Variants in PPARGC1A observed in about 807,000 individuals in gnomAD.
PPARGC1A encodes peroxisome proliferator-activated receptor gamma coactivator 1-alpha.
PPARGC1A carries 25 observed loss-of-function variants against 88.7 expected under a neutral mutation model. The ratio of observed to expected loss-of-function variants is 0.28; its 90% confidence interval spans 0.21 to 0.39. The LOEUF is 0.39. Ranked by LOEUF, PPARGC1A falls within the 10% of genes least tolerant of loss-of-function variation. The pLI, the probability that PPARGC1A is intolerant of heterozygous loss-of-function variation, is 1.00. For synonymous variants in PPARGC1A, 363 were observed against 355.6 expected, an observed-to-expected ratio of 1.02 and a Z score of -0.24; for missense variants, 880 against 968.7, an observed-to-expected ratio of 0.91 and a Z score of 1.22.
chr4:24,089,299 G>C, the PPARGC1A span, among the ~76,000 whole-genome samples: 1 of 152,072 alleles, frequency 6.6e-6, no homozygotes, highest in African/African-American at 2.4e-5. Context: ...ACTGAAGTAG[G>C]TGACTCCAGG....
chr4:24,101,089 C>T, the PPARGC1A span, among the ~76,000 whole-genome samples: 6 of 152,140 alleles, frequency 3.9e-5, no homozygotes, highest in African/African-American at 1.2e-4. Context: ...AATCTCATAT[C>T]GAATTGTAAT....
chr4:24,145,989 T>G, the PPARGC1A span, among the ~76,000 whole-genome samples: 1 of 152,218 alleles, frequency 6.6e-6, no homozygotes. Context: ...GAACAACTAT[T>G]GGGTATTATA....
chr4:23,828,457 C>T lies in PPARGC1A; in HGVS notation c.700G>A (p.Asp234Asn). Reference sequence around the variant, plus strand: ...GACTTCTTTTTGGAGGTGCATTTGTCTCTGCTGCTGTTTCTGTTCTCTGTG... The same window carrying T: ...GACTTCTTTTTGGAGGTGCATTTGTTTCTGCTGCTGTTTCTGTTCTCTGTG... ...KPTENRNSSR[D>N]KCTSKKKSHT... The change falls in exon 5 of 13, where the codon GAC (aspartate) becomes AAC (asparagine). Residue 234 changes from aspartate (D) to asparagine (N), a missense_variant. Coordinates refer to ENST00000264867, the MANE Select transcript of PPARGC1A (RefSeq NM_013261.5). 6.2e-7 allele frequency: 1 copy of T among 1,614,056 alleles called. No individual in the cohort carries two copies. Among genetic ancestry groups the T allele is most frequent in the South Asian group, 1.1e-5 (1 of 91,054 alleles).
chr4:24,467,621 T>C, the PPARGC1A span, among the ~76,000 whole-genome samples: 1 of 151,996 alleles, frequency 6.6e-6, no homozygotes, highest in African/African-American at 2.4e-5. Flanking sequence ...TGGGCTGCTT[T>C]CTGCTTTGGC....
chr4:24,361,339 A>G, the PPARGC1A span, among the ~76,000 whole-genome samples: 2 of 152,194 alleles, frequency 1.3e-5, no homozygotes, highest in Non-Finnish European at 2.9e-5. Flanking sequence ...ACAACTCCCC[A>G]ATTTACCTCT....
At chr4:24,454,580 A>T in the PPARGC1A span, among the ~76,000 whole-genome samples, 25 of 131,276 alleles carry the variant, frequency 1.9e-4, no homozygotes, top group Middle Eastern at 4.0e-3. Flanking sequence ...TACAAAAAAA[A>T]TTTTTTAAAT....
At chr4:23,813,175 C>A in intron 8 of PPARGC1A, 50 bp from the exon 9 acceptor site, 1 of 1,497,512 alleles carries the variant, frequency 6.7e-7, no homozygotes, top group Non-Finnish European at 9.3e-7. Context: ...GCCACTTAAC[C>A]CAAGTTTATC....
intron 2 of PPARGC1A, among the ~76,000 whole-genome samples, chr4:23,869,377 G>C (rs1347033396): frequency 2.0e-5 from 3 of 152,160 alleles, no homozygotes; most frequent in African/African-American, 7.2e-5. Flanking sequence ...AACTGCCAAA[G>C]TTTGAATATT....
the PPARGC1A span, among the ~76,000 whole-genome samples, chr4:24,034,808 C>G: frequency 6.6e-6 from 1 of 152,164 alleles, no homozygotes; most frequent in Non-Finnish European, 1.5e-5. Context: ...GGCTTTTGCT[C>G]CCTTTGATCC....
the PPARGC1A span, among the ~76,000 whole-genome samples, chr4:24,185,666 T>C: frequency 6.6e-6 from 1 of 152,184 alleles, no homozygotes; most frequent in Non-Finnish European, 1.5e-5. Flanking sequence ...TCTTTTTAAG[T>C]TGATAATATT....
At chr4:23,988,663 A>C in the PPARGC1A span, among the ~76,000 whole-genome samples, 1 of 151,786 alleles carries the variant, frequency 6.6e-6, no homozygotes. Flanking sequence ...ATATTTATGT[A>C]GAACAGGCAT....
chr4:23,950,042 A>G, the PPARGC1A span, among the ~76,000 whole-genome samples: 1 of 152,204 alleles, frequency 6.6e-6, no homozygotes, highest in South Asian at 2.1e-4. Flanking sequence ...GGCAAGGTAT[A>G]AAGCACTTGG....
the PPARGC1A span, among the ~76,000 whole-genome samples, chr4:24,070,853 C>A: frequency 1.3e-5 from 2 of 152,006 alleles, no homozygotes; most frequent in African/African-American, 4.8e-5. Context: ...TTTTATTGGC[C>A]CACAGTCATG....
At chr4:24,101,957 G>A in the PPARGC1A span, among the ~76,000 whole-genome samples, 28 of 152,132 alleles carry the variant, frequency 1.8e-4, no homozygotes, top group African/African-American at 5.8e-4. Context: ...ACACATCCAC[G>A]CCCTCATGGT....
chr4:24,270,384 T>A, the PPARGC1A span, among the ~76,000 whole-genome samples: 1 of 151,270 alleles, frequency 6.6e-6, no homozygotes, highest in Non-Finnish European at 1.5e-5. Context: ...TCTTGGGTGT[T>A]TCTCTAGAGA....
the PPARGC1A span, among the ~76,000 whole-genome samples, chr4:23,935,850 C>A: frequency 1.7e-4 from 26 of 151,704 alleles, no homozygotes; most frequent in African/African-American, 6.3e-4. Flanking sequence ...AACTGAAGCC[C>A]TTGTATAACA....
chr4:24,167,986 C>G, the PPARGC1A span, among the ~76,000 whole-genome samples: 6 of 152,178 alleles, frequency 3.9e-5, no homozygotes, highest in Admixed American at 1.3e-4. Context: ...TGAACTCCTG[C>G]TCAAGCAGTC....
the PPARGC1A span, among the ~76,000 whole-genome samples, chr4:24,000,461 A>T: frequency 6.6e-6 from 1 of 152,058 alleles, no homozygotes; most frequent in Non-Finnish European, 1.5e-5. Flanking sequence ...TAATGGGGTC[A>T]TCAGGGCATA....
chr4:23,914,194 A>T, the PPARGC1A span, among the ~76,000 whole-genome samples: 1 of 152,134 alleles, frequency 6.6e-6, no homozygotes, highest in African/African-American at 2.4e-5. Flanking sequence ...AATTTTATTG[A>T]GTGCTTATTA....
Sources: allele counts gnomAD v4.1 joint callset (sites outside exome capture counted in the v4.1 genomes callset), GRCh38; gene constraint gnomAD v4.1.1; transcripts MANE v1.5; gene names NCBI Gene and HGNC (gene_info 2026-07-23, HGNC 2026-07-21).